Variants in NWD2 observed in about 807,000 individuals in gnomAD.
The protein encoded by NWD2 is NACHT and WD repeat domain containing 2.
In NWD2, 37 loss-of-function variants were observed where a neutral mutation model predicts 132.7. That is an observed-to-expected ratio of 0.28 (90% CI 0.21 to 0.37). The LOEUF is 0.37. NWD2 is among the 10% of genes least tolerant of loss of function. The probability of loss-of-function intolerance (pLI) is 1.00; values close to 1 mark genes in which losing one functional copy is unlikely to be tolerated. For missense variants in NWD2, 1,592 were observed against 2,122.4 expected, an observed-to-expected ratio of 0.75 and a Z score of 4.91; for synonymous variants, 705 against 803.0, an observed-to-expected ratio of 0.88 and a Z score of 2.06.
At chr4:37,394,809 T>TTTTGTTTTG (rs1720751393) in intron 3 of NWD2, among the ~76,000 whole-genome samples, 3 of 66,104 alleles carry the variant, frequency 4.5e-5, no homozygotes, top group Non-Finnish European at 1.1e-4. Flanking sequence ...GTTTTTTTTT[T>TTTTGTTTTG]TTTTTTTTTT....
chr4:37,257,017 G>A (rs1001305284), intron 1 of NWD2, among the ~76,000 whole-genome samples: 1 of 152,144 alleles, frequency 6.6e-6, no homozygotes, highest in African/African-American at 2.4e-5. Flanking sequence ...TTGGGGCCCA[G>A]GAACTCAGAG....
chr4:37,277,819 T>A (rs1320977993), intron 1 of NWD2, among the ~76,000 whole-genome samples: 1 of 152,134 alleles, frequency 6.6e-6, no homozygotes, highest in Non-Finnish European at 1.5e-5. Flanking sequence ...AGTTAACATA[T>A]TGTAATAGTT....
chr4:37,346,688 C>T (rs948087847), intron 2 of NWD2, among the ~76,000 whole-genome samples: 3 of 151,936 alleles, frequency 2.0e-5, no homozygotes, highest in Non-Finnish European at 2.9e-5. Context: ...TAATTTCTTT[C>T]GACAATTTTT....
intron 5 of NWD2, 54 bp from the exon 6 acceptor site, chr4:37,438,747 G>A: frequency 8.5e-7 from 1 of 1,180,208 alleles, no homozygotes; most frequent in Non-Finnish European, 1.2e-6. Flanking sequence ...TGAGAATGTG[G>A]GTGTGTTGCT....
At chr4:37,308,790 A>G (rs1008514682) in intron 1 of NWD2, among the ~76,000 whole-genome samples, 2 of 151,878 alleles carry the variant, frequency 1.3e-5, no homozygotes, top group African/African-American at 4.8e-5. Flanking sequence ...GAGTAGGCAA[A>G]GTCAAAGGCA....
Position 37,443,189 on chromosome 4 carries a change from G to A in NWD2, c.1297-96G>A, listed in dbSNP as rs1158602465. On this transcript the variant is annotated intron_variant, in intron 6 of 6. Coordinates refer to ENST00000309447, the MANE Select transcript of NWD2 (RefSeq NM_001144990.2). This position sits in a 1 kb window ranked among gnomAD's most constrained non-coding sequence, Gnocchi z 4.1. ...CCTAAGCTATTTCCTGCACAGCAGA[G>A]GAGACCAGAAATCTGAGCTCTGGAG... is the stretch of plus-strand genomic sequence containing the variant. 2 of 1,101,864 alleles carry A rather than the reference G, an allele frequency of 1.8e-6. No individual in the cohort carries two copies. The highest frequency in any genetic ancestry group is 2.6e-5 in the Admixed American group (1 of 38,044). The allele number at this position is 1,101,864 out of a possible 1,614,324, so 68.3% of individuals were successfully genotyped here.
At chr4:37,245,564 A>G (rs1475681840) in intron 1 of NWD2, among the ~76,000 whole-genome samples, 1 of 147,920 alleles carries the variant, frequency 6.8e-6, no homozygotes, top group Non-Finnish European at 1.5e-5. Context: ...TTTTTTTTTT[A>G]AAGCGGTTTC....
chr4:37,400,815 G>A (rs532379132), intron 3 of NWD2, among the ~76,000 whole-genome samples: 33 of 152,250 alleles, frequency 2.2e-4, no homozygotes, highest in East Asian at 3.9e-4. Context: ...TGGTTCTTAC[G>A]TTATGCTTAA....
intron 3 of NWD2, among the ~76,000 whole-genome samples, chr4:37,428,774 C>T (rs1341670241): frequency 6.6e-6 from 1 of 152,222 alleles, no homozygotes; most frequent in African/African-American, 2.4e-5. Context: ...CTATGTTGCC[C>T]AGGCTGGAGT....
At chr4:37,310,407 C>A (rs897237711) in intron 1 of NWD2, among the ~76,000 whole-genome samples, 1 of 152,146 alleles carries the variant, frequency 6.6e-6, no homozygotes, top group Non-Finnish European at 1.5e-5. Flanking sequence ...TAACTTACCC[C>A]TCTTTCCCTA....
chr4:37,393,238 G>A (rs1720716011), intron 3 of NWD2, among the ~76,000 whole-genome samples: 3 of 152,002 alleles, frequency 2.0e-5, no homozygotes, highest in Non-Finnish European at 1.5e-5. Context: ...ATAAAAGATG[G>A]GATTCAGAGA....
At chr4:37,315,861 A>G (rs6531526) in intron 1 of NWD2, among the ~76,000 whole-genome samples, 125,033 of 151,934 alleles carry the variant, frequency 0.82, 51,825 homozygotes, top group African/African-American at 0.85. Flanking sequence ...TGGTGCTCTG[A>G]GGATTACAAA....
intron 3 of NWD2, among the ~76,000 whole-genome samples, chr4:37,414,151 A>G (rs1018726522): frequency 1.3e-5 from 2 of 152,212 alleles, no homozygotes; most frequent in African/African-American, 4.8e-5. Context: ...ATTATCCTTA[A>G]TTCTACTGAA....
intron 2 of NWD2, among the ~76,000 whole-genome samples, chr4:37,343,876 C>T (rs573788144): frequency 7.2e-5 from 11 of 152,020 alleles, no homozygotes; most frequent in South Asian, 2.1e-4. Flanking sequence ...TTGATTTCAA[C>T]GGGTAAGATT....
chr4:37,279,181 C>T (rs1718081671), intron 1 of NWD2, among the ~76,000 whole-genome samples: 1 of 152,048 alleles, frequency 6.6e-6, no homozygotes, highest in African/African-American at 2.4e-5. Flanking sequence ...ATTTCTAGCT[C>T]CATATTTCAA....
At chr4:37,363,202 C>A (rs28674872) in intron 3 of NWD2, among the ~76,000 whole-genome samples, 19 of 151,832 alleles carry the variant, frequency 1.3e-4, no homozygotes, top group Non-Finnish European at 2.8e-4. Context: ...TATACATTGT[C>A]GGTGGAAATG....
At position 37,348,675 on chromosome 4, in the gene NWD2, T is replaced by TATATACAC. The variant is rs1308407988; in HGVS notation, c.241-7690_241-7689insTATACACA. ...ATATATATATATATATATATATATA[T>TATATACAC]ACACACACACACACACACACACACA... is the stretch of plus-strand genomic sequence containing the variant. On this transcript the variant is annotated intron_variant, in intron 2 of 6. Transcript: ENST00000309447. Among the ~76,000 whole-genome samples the TATATACAC allele has an allele frequency of 9.5e-3, 213 of 22,528 alleles. 4 individuals carry two copies. Among genetic ancestry groups the TATATACAC allele is most frequent in the Non-Finnish European group, 0.012 (151 of 13,060 alleles). The allele number at this position is 22,528 out of a possible 152,430, so 14.8% of individuals were successfully genotyped here. A position where few individuals can be genotyped will look rare whatever the true frequency, so the allele number is the denominator to read the frequency against.
intron 3 of NWD2, among the ~76,000 whole-genome samples, chr4:37,417,009 T>C (rs1405429327): frequency 6.6e-6 from 1 of 152,136 alleles, no homozygotes; most frequent in African/African-American, 2.4e-5. Context: ...ACTGCTCAGG[T>C]GATGAGTTCA....
chr4:37,398,448 C>T (rs921840668), intron 3 of NWD2, among the ~76,000 whole-genome samples: 2 of 151,994 alleles, frequency 1.3e-5, no homozygotes, highest in African/African-American at 4.8e-5. Context: ...TGGGGCCTGT[C>T]GGAGGAGTGG....
Sources: allele counts gnomAD v4.1 joint callset (sites outside exome capture counted in the v4.1 genomes callset), GRCh38; gene constraint gnomAD v4.1.1; non-coding constraint Gnocchi (gnomAD v3.1); transcripts MANE v1.5; gene names NCBI Gene and HGNC (gene_info 2026-07-23, HGNC 2026-07-21).